Variants in LRRC7 observed in about 807,000 individuals in gnomAD.
The protein encoded by LRRC7 is leucine rich repeat containing 7, also known as leucine-rich repeat-containing protein 7.
A neutral mutation model predicts 175.7 loss-of-function variants in LRRC7; 23 were observed. The ratio of observed to expected loss-of-function variants is 0.13; its 90% CI spans 0.09 to 0.19. The LOEUF (loss-of-function observed/expected upper bound fraction) is 0.19, where lower values mean the gene tolerates loss of function less well. LRRC7 is among the 10% of genes least tolerant of loss of function. The pLI is 1.00. For missense variants in LRRC7, 1,354 were observed against 1,904.7 expected, an observed-to-expected ratio of 0.71 and a Z score of 5.38; for synonymous variants, 685 against 680.9, an observed-to-expected ratio of 1.01 and a Z score of -0.09.
intron 26 of LRRC7, among the ~76,000 whole-genome samples, chr1:70,120,887 C>T (rs1666169103): frequency 6.6e-6 from 1 of 152,004 alleles, no homozygotes; most frequent in African/African-American, 2.4e-5. Flanking sequence ...TTAGTTTTGC[C>T]TTTACGGCAG....
At chr1:70,110,639 A>G (rs568911695) in intron 26 of LRRC7, among the ~76,000 whole-genome samples, 2 of 152,314 alleles carry the variant, frequency 1.3e-5, no homozygotes, top group Non-Finnish European at 2.9e-5. Context: ...ACAAATGACT[A>G]TCAAGGATGT....
intron 24 of LRRC7, among the ~76,000 whole-genome samples, chr1:70,077,418 C>T (rs1662865348): frequency 1.3e-5 from 2 of 152,076 alleles, no homozygotes; most frequent in African/African-American, 4.8e-5. Context: ...TTTAATTCTC[C>T]AGATACTCTT....
chr1:69,856,656 G>A (rs754888299), intron 7 of LRRC7, among the ~76,000 whole-genome samples: 35 of 152,138 alleles, frequency 2.3e-4, no homozygotes, highest in African/African-American at 6.0e-4. Flanking sequence ...AGGACCAGAC[G>A]GATTCACAGC....
chr1:69,781,327 T>C (rs1401709525), intron 3 of LRRC7, among the ~76,000 whole-genome samples: 1 of 152,032 alleles, frequency 6.6e-6, no homozygotes. Context: ...TTGTCAGTTC[T>C]CACCATTATC....
intron 7 of LRRC7, among the ~76,000 whole-genome samples, chr1:69,877,313 T>G (rs1686128658): frequency 6.6e-6 from 1 of 152,052 alleles, no homozygotes. Context: ...CTGGGCCAAG[T>G]GTAGTGGTGT....
intron 1 of LRRC7, among the ~76,000 whole-genome samples, chr1:69,619,564 A>G (rs1650230230): frequency 6.6e-6 from 1 of 152,190 alleles, no homozygotes; most frequent in African/African-American, 2.4e-5. Context: ...CCCCTCGGAA[A>G]TACTATTTTT....
At chr1:70,041,606 A>G (rs1024949226) in intron 21 of LRRC7, among the ~76,000 whole-genome samples, 6 of 152,258 alleles carry the variant, frequency 3.9e-5, no homozygotes, top group African/African-American at 1.2e-4. Context: ...CCTCGTGTAG[A>G]CACGACCATA....
chr1:69,996,355 C>T (rs1409829062), intron 11 of LRRC7, among the ~76,000 whole-genome samples: 1 of 152,022 alleles, frequency 6.6e-6, no homozygotes, highest in Non-Finnish European at 1.5e-5. Flanking sequence ...TTGTAGGTTG[C>T]CTGTTCACTC....
intron 2 of LRRC7, among the ~76,000 whole-genome samples, chr1:69,687,399 A>G (rs980205804): frequency 1.3e-5 from 2 of 151,700 alleles, no homozygotes; most frequent in Middle Eastern, 3.4e-3. Context: ...AGTCCCAGCT[A>G]CTCAGGAGGC....
intron 1 of LRRC7, among the ~76,000 whole-genome samples, chr1:69,597,079 AT>A (rs1325233663): frequency 6.6e-6 from 1 of 152,206 alleles, no homozygotes; most frequent in Non-Finnish European, 1.5e-5. Context: ...ATTTTCTAAT[AT>A]TTTCCCCTCT....
At position 70,135,366 on chromosome 1, in the gene LRRC7, C is replaced by A. The variant is rs911389038; in HGVS notation, c.*13479C>A. Among the ~76,000 whole-genome samples the A allele has an allele frequency of 6.6e-6, 1 of 152,060 alleles. No individual in the cohort carries two copies. Among genetic ancestry groups the A allele is most frequent in the African/African-American group, 2.4e-5 (1 of 41,400 alleles). The stretch of plus-strand genomic sequence containing the variant: ...CCGTGCCATACTGTAGAACAAACAT[C>A]ATTTTTTTAGTTCTGTCATGAGGTA... On this transcript the variant is annotated 3_prime_UTR_variant, in exon 27 of 27. Coordinates refer to ENST00000651989, the MANE Select transcript of LRRC7 (RefSeq NM_001370785.2).
intron 4 of LRRC7, among the ~76,000 whole-genome samples, chr1:69,813,705 C>T (rs1330952508): frequency 6.6e-6 from 1 of 152,018 alleles, no homozygotes. Context: ...TTGAATATAA[C>T]CTAAATATAA....
At chr1:69,994,706 T>A in intron 11 of LRRC7, 73 bp downstream of exon 11, 1 of 987,038 alleles carries the variant, frequency 1.0e-6, no homozygotes, top group Non-Finnish European at 1.6e-6. Context: ...GTTTTCTAAT[T>A]CAAAACATTT....
At chr1:69,953,090 G>C (rs1437550378) in intron 8 of LRRC7, among the ~76,000 whole-genome samples, 3 of 150,566 alleles carry the variant, frequency 2.0e-5, no homozygotes, top group African/African-American at 7.3e-5. Context: ...GGTCTCCTAA[G>C]ATCTGGCCCA....
rs564308473 is a variant in LRRC7, at chr1:69,934,793, C to T, written c.711+3223C>T. Among the ~76,000 whole-genome samples the T allele has an allele frequency of 2.0e-5, 3 of 152,150 alleles. No individual in the cohort carries two copies. In the East Asian group the frequency reaches 5.8e-4, roughly 29 times the overall value. ...AGATAACATTAACCCTTAGGATCAT[C>T]CTCTTTGCTGACCATGGCCAACCCT... On this transcript the variant is annotated intron_variant, in intron 8 of 26. Coordinates refer to ENST00000651989, the MANE Select transcript of LRRC7 (RefSeq NM_001370785.2).
intron 2 of LRRC7, among the ~76,000 whole-genome samples, chr1:69,687,548 AAAAG>A (rs1211694104): frequency 2.0e-5 from 3 of 150,800 alleles, no homozygotes; most frequent in Non-Finnish European, 3.0e-5. Context: ...AGAAAAAAGA[AAAAG>A]AAAAGAAAAA....
chr1:70,061,016 A>G (rs1661536217), intron 23 of LRRC7, among the ~76,000 whole-genome samples: 1 of 152,088 alleles, frequency 6.6e-6, no homozygotes, highest in Admixed American at 6.6e-5. Flanking sequence ...TGGGAGTAAT[A>G]CCAGTCTCAA....
chr1:69,982,032 A>G (rs1224052452), intron 9 of LRRC7, among the ~76,000 whole-genome samples: 1 of 152,228 alleles, frequency 6.6e-6, no homozygotes, highest in Admixed American at 6.5e-5. Flanking sequence ...AAAGCTCCCA[A>G]AGGCTCTCTA....
intron 1 of LRRC7, among the ~76,000 whole-genome samples, chr1:69,644,628 A>G (rs1145927): frequency 0.22 from 33,436 of 151,872 alleles, 4,160 homozygotes; most frequent in South Asian, 0.29. Context: ...AATATTACCA[A>G]TATTAAGCAC....
Sources: gnomAD v4.1 joint callset for allele counts (sites outside exome capture counted in the v4.1 genomes callset) on GRCh38, gnomAD v4.1.1 for gene constraint, MANE v1.5 for transcripts, NCBI Gene and HGNC (gene_info 2026-07-23, HGNC 2026-07-21) for gene names.